DAB1: variants seen among roughly 807,000 people sequenced by gnomAD.
DAB1 encodes the protein DAB adaptor protein 1, also known as disabled homolog 1.
In DAB1, 15 loss-of-function variants were observed where a neutral mutation model predicts 64.6. The ratio of observed to expected loss-of-function variants is 0.23; its 90% CI spans 0.16 to 0.36. The LOEUF is 0.36. DAB1 is among the 10% of genes least tolerant of loss of function. The pLI is 1.00. For missense variants in DAB1, 596 were observed against 706.7 expected, an observed-to-expected ratio of 0.84 and a Z score of 1.78; for synonymous variants, 235 against 251.9, an observed-to-expected ratio of 0.93 and a Z score of 0.64.
chr1:57,124,429 T>C (rs757914776), intron 4 of DAB1, among the ~76,000 whole-genome samples: 2 of 152,200 alleles, frequency 1.3e-5, no homozygotes, highest in Non-Finnish European at 2.9e-5. Flanking sequence ...GAGCCATTTA[T>C]ATGGAAGATG....
At chr1:57,192,286 C>T (rs993231375) in intron 2 of DAB1, among the ~76,000 whole-genome samples, 4 of 151,174 alleles carry the variant, frequency 2.6e-5, no homozygotes, top group Non-Finnish European at 5.9e-5. Context: ...CACTACACTC[C>T]AGCCCGGGTG....
chr1:57,427,679 C>T (rs186567509), upstream of DAB1, among the ~76,000 whole-genome samples: 1 of 152,238 alleles, frequency 6.6e-6, no homozygotes, highest in East Asian at 1.9e-4. Flanking sequence ...AAACTATGGG[C>T]ATTTTACTTT....
chr1:57,464,003 G>A lies in DAB1; in HGVS notation n.626-172837C>T, dbSNP rs548204589. 4.6e-5 allele frequency among the ~76,000 whole-genome samples: 7 copies of A among 152,236 alleles called. No homozygotes were observed. In the East Asian group the frequency reaches 1.4e-3, roughly 29 times the overall value. ...CAAAGAGGGCCTGGTGTATGAAATT[G>A]GGAGAAAACATCAGGAAGCTAAACC... On this transcript the variant is annotated intron_variant and non_coding_transcript_variant, in intron 7 of 20. Coordinates refer to the DAB1 transcript ENST00000485760.
intron 7 of DAB1, among the ~76,000 whole-genome samples, chr1:57,556,454 AT>A (rs1644989669): frequency 6.6e-6 from 1 of 151,310 alleles, no homozygotes; most frequent in Admixed American, 6.6e-5. Context: ...TTTTTTTTAA[AT>A]TTTTATTATG....
intron 5 of DAB1, among the ~76,000 whole-genome samples, chr1:58,015,692 G>A (rs1323895914): frequency 6.6e-6 from 1 of 152,122 alleles, no homozygotes; most frequent in African/African-American, 2.4e-5. Flanking sequence ...CACCTGGGAT[G>A]CTTATTTAAA....
intron 4 of DAB1, among the ~76,000 whole-genome samples, chr1:58,331,213 G>A (rs1662961130): frequency 6.6e-6 from 1 of 152,228 alleles, no homozygotes; most frequent in South Asian, 2.1e-4. Flanking sequence ...AAGAGCTGCA[G>A]ATGTGATGGA....
intron 4 of DAB1, among the ~76,000 whole-genome samples, chr1:58,153,568 T>A (rs1395986922): frequency 6.6e-6 from 1 of 152,126 alleles, no homozygotes; most frequent in Non-Finnish European, 1.5e-5. Context: ...TACATCAAAA[T>A]GTGAAAAACT....
intron 1 of DAB1, among the ~76,000 whole-genome samples, chr1:57,299,625 A>G (rs1673469943): frequency 6.9e-6 from 1 of 144,586 alleles, no homozygotes; most frequent in South Asian, 2.1e-4. Flanking sequence ...ACAAGTGCAT[A>G]AACCTAAAAT....
intron 5 of DAB1, among the ~76,000 whole-genome samples, chr1:58,007,147 A>T (rs2100419876): frequency 6.6e-6 from 1 of 152,322 alleles, no homozygotes; most frequent in Non-Finnish European, 1.5e-5. Flanking sequence ...ATGGCAGCTA[A>T]TCGAGTTACT....
chr1:58,426,016 C>T (rs1644818788), intron 3 of DAB1, among the ~76,000 whole-genome samples: 1 of 152,154 alleles, frequency 6.6e-6, no homozygotes, highest in Non-Finnish European at 1.5e-5. Context: ...AGAGCCCTTA[C>T]AGGGAGTGGA....
intron 7 of DAB1, among the ~76,000 whole-genome samples, chr1:57,486,817 T>C (rs530308374): frequency 6.6e-5 from 10 of 152,114 alleles, no homozygotes; most frequent in Admixed American, 4.6e-4. Context: ...GTGATAAATC[T>C]TCATGAGATA....
intron 7 of DAB1, 144 bp from the exon 8 acceptor site, chr1:57,069,569 A>G (rs1414917660): frequency 5.3e-5 from 34 of 642,710 alleles, no homozygotes; most frequent in Middle Eastern, 2.6e-4. Flanking sequence ...CAACTAAATT[A>G]TTGAAATAAA....
intron 7 of DAB1, among the ~76,000 whole-genome samples, chr1:57,646,292 T>C (rs889984569): frequency 2.0e-5 from 3 of 152,086 alleles, no homozygotes; most frequent in African/African-American, 7.2e-5. Flanking sequence ...ATGGGGACAG[T>C]TGCTTTAGCA....
In DAB1 at chr1:57,922,541, G is replaced by C. The variant is rs562229024; in HGVS notation, n.388-38379C>G. Among the ~76,000 whole-genome samples the C allele has an allele frequency of 3.9e-5, 6 of 152,090 alleles. No homozygotes were observed. In the East Asian group the frequency reaches 5.8e-4, roughly 15 times the overall value. ...TTGCCCTGAGGAACCTCCATCCTAC[G>C]AGATGTTCCTGTTTGTTCCCCGAAA... On this transcript the variant is annotated intron_variant and non_coding_transcript_variant, in intron 5 of 20. Coordinates refer to the DAB1 transcript ENST00000485760.
intron 7 of DAB1, among the ~76,000 whole-genome samples, chr1:57,527,904 G>A (rs1412741927): frequency 6.6e-6 from 1 of 152,056 alleles, no homozygotes; most frequent in Non-Finnish European, 1.5e-5. Flanking sequence ...TAGTTTTCTT[G>A]TCCCAGAATT....
chr1:57,211,287 C>T (rs766694250), intron 2 of DAB1, among the ~76,000 whole-genome samples: 21 of 152,294 alleles, frequency 1.4e-4, no homozygotes, highest in South Asian at 2.1e-4. Context: ...TAAACTGCTG[C>T]GGTCTGGTGG....
At chr1:58,489,779 T>A (rs6662028) in intron 3 of DAB1, among the ~76,000 whole-genome samples, 17,609 of 152,118 alleles carry the variant, frequency 0.12, 1,222 homozygotes, top group African/African-American at 0.18. Flanking sequence ...ACATTGGCTG[T>A]TCACCAATAT....
At chr1:57,227,396 C>G (rs1348652647) in intron 2 of DAB1, among the ~76,000 whole-genome samples, 1 of 151,974 alleles carries the variant, frequency 6.6e-6, no homozygotes, top group African/African-American at 2.4e-5. Flanking sequence ...GAGAGAGAGA[C>G]ACAGTAAAAC....
intron 1 of DAB1, among the ~76,000 whole-genome samples, chr1:57,387,783 C>A (rs1682000222): frequency 6.9e-6 from 1 of 145,820 alleles, no homozygotes; most frequent in African/African-American, 2.6e-5. Context: ...GATCATGCCA[C>A]TGCACTCCAG....
Sources: gnomAD v4.1 joint callset for allele counts (sites outside exome capture counted in the v4.1 genomes callset) on GRCh38, gnomAD v4.1.1 for gene constraint, MANE v1.5 for transcripts, NCBI Gene and HGNC (gene_info 2026-07-23, HGNC 2026-07-21) for gene names.